Variants in RBFOX1 observed in about 807,000 individuals in gnomAD.
RBFOX1 encodes the protein RNA binding protein fox-1 homolog 1.
A neutral mutation model predicts 57.7 loss-of-function variants in RBFOX1; 8 were observed. The ratio of observed to expected loss-of-function variants is 0.14; its 90% CI spans 0.08 to 0.25. RBFOX1 has a LOEUF of 0.25. RBFOX1 is among the 10% of genes least tolerant of loss of function. The probability of loss-of-function intolerance (pLI) is 1.00; values close to 1 mark genes in which losing one functional copy is unlikely to be tolerated. For missense variants in RBFOX1, 611 were observed against 548.5 expected (o/e 1.11, Z -1.14); for synonymous variants, 326 against 222.4 (o/e 1.47, Z -4.15).
chr16:5,688,166 AAAG>A (rs2050561404), intron 3 of RBFOX1, among the ~76,000 whole-genome samples: 1 of 152,320 alleles, frequency 6.6e-6, no homozygotes, highest in East Asian at 1.9e-4. Flanking sequence ...GTATGACAGA[AAAG>A]GAGCTTGGAA....
chr16:6,944,380 C>T lies in RBFOX1; in HGVS notation c.-15-107677C>T, dbSNP rs1185929021. 2.2e-5 allele frequency among the ~76,000 whole-genome samples: 3 copies of T among 135,902 alleles called. 1 individual carries two copies. The South Asian group carries it at 7.0e-4, about 32-fold the overall frequency. 89.2% of individuals were successfully genotyped at this position (135,902 alleles called of 152,430 possible). On this transcript the variant is annotated intron_variant, in intron 3 of 15. Transcript: ENST00000550418. ...GTTGTACTCCAGCCTGGCAACAGAG[C>T]AAGACTCCATCTCAGAGAAAAAAAA...
chr16:6,935,574 A>G (rs969866710), intron 3 of RBFOX1, among the ~76,000 whole-genome samples: 1 of 152,216 alleles, frequency 6.6e-6, no homozygotes. Context: ...TTATCCTTGA[A>G]TATTCAAAAA....
intron 2 of RBFOX1, among the ~76,000 whole-genome samples, chr16:6,506,551 C>A (rs553511498): frequency 6.6e-6 from 1 of 151,026 alleles, no homozygotes; most frequent in South Asian, 2.1e-4. Flanking sequence ...ATCTATGGAC[C>A]CACAGTGTAG....
At chr16:6,003,558 C>T (rs894302121) in intron 4 of RBFOX1, among the ~76,000 whole-genome samples, 11 of 151,718 alleles carry the variant, frequency 7.3e-5, no homozygotes, top group Admixed American at 3.3e-4. Context: ...TCCACCCCTG[C>T]GGTACCTTTG....
intron 4 of RBFOX1, among the ~76,000 whole-genome samples, chr16:5,874,234 C>G (rs567863860): frequency 6.6e-6 from 1 of 152,282 alleles, no homozygotes; most frequent in East Asian, 1.9e-4. Context: ...CACTGGAGCC[C>G]AGCTGTTCAA....
rs143695533 is a variant in RBFOX1, at chr16:6,893,894, C to A, written c.-15-158163C>A. On this transcript the variant is annotated intron_variant, in intron 3 of 15. Coordinates refer to ENST00000550418, the MANE Select transcript of RBFOX1 (RefSeq NM_018723.4). The stretch of plus-strand genomic sequence containing the variant: ...AGTTTAGGTTGTCTGATAGGGTCAG[C>A]TGTCACACATAGAGGGAGCAAGCTG... Among the ~76,000 whole-genome samples the A allele has an allele frequency of 1.1e-4, 16 of 152,252 alleles. No homozygotes were observed. In the East Asian group the frequency reaches 2.9e-3, roughly 28 times the overall value.
rs546339292 is a variant in RBFOX1, at chr16:7,622,210, C to T, written c.677-8393C>T. Among the ~76,000 whole-genome samples the T allele has an allele frequency of 5.3e-5, 8 of 151,942 alleles. No individual in the cohort carries two copies. In the East Asian group the frequency reaches 1.4e-3, roughly 26 times the overall value. On this transcript the variant is annotated intron_variant, in intron 10 of 15. Coordinates refer to ENST00000550418, the MANE Select transcript of RBFOX1 (RefSeq NM_018723.4). ...GGTATGACTTGCAGTTTCAGCATCA[C>T]GAGATCTGTGTCACCTCAGGCAAGG...
chr16:5,468,076 C>T (rs142560972), intron 2 of RBFOX1, among the ~76,000 whole-genome samples: 1 of 152,170 alleles, frequency 6.6e-6, no homozygotes, highest in East Asian at 1.9e-4. Context: ...TCTGTGCCCT[C>T]TTGTTCCTCC....
chr16:7,690,905 C>T (rs1209085317), intron 14 of RBFOX1, among the ~76,000 whole-genome samples: 1 of 152,116 alleles, frequency 6.6e-6, no homozygotes, highest in Non-Finnish European at 1.5e-5. Flanking sequence ...CAGAATTCTT[C>T]TGTTGTCCTG....
At chr16:7,656,831 G>A (rs999730927) in intron 12 of RBFOX1, among the ~76,000 whole-genome samples, 5 of 152,120 alleles carry the variant, frequency 3.3e-5, no homozygotes, top group Admixed American at 3.3e-4. Flanking sequence ...GAACACTAGG[G>A]AAAGGTCCTT....
intron 4 of RBFOX1, among the ~76,000 whole-genome samples, chr16:7,439,296 C>A (rs747023591): frequency 6.6e-6 from 1 of 151,756 alleles, no homozygotes; most frequent in Admixed American, 6.6e-5. Context: ...GTGATTTGAA[C>A]CTTCATGTCC....
intron 3 of RBFOX1, among the ~76,000 whole-genome samples, chr16:6,857,946 A>G (rs28581832): frequency 0.14 from 21,027 of 152,172 alleles, 1,793 homozygotes; most frequent in South Asian, 0.23. Context: ...TTAAGCATCA[A>G]GACAATACTG....
Position 5,625,269 on chromosome 16 carries a change from G to A in RBFOX1, c.318+26308G>A, listed in dbSNP as rs889802220. On this transcript the variant is annotated intron_variant, in intron 3 of 19. Transcript: ENST00000641259. ...AGCAGGACCTGGGCGTGGTAGGGGC[G>A]TAGGAAGCATTTGTTGAATGAATGA... Among the ~76,000 whole-genome samples, 67 of 152,188 alleles carry A rather than the reference G, an allele frequency of 4.4e-4. 1 individual carries two copies. Among genetic ancestry groups the A allele is most frequent in the African/African-American group, 1.2e-3 (51 of 41,518 alleles).
chr16:6,780,550 ATATTTACATATT>A (rs2080818127), intron 3 of RBFOX1, among the ~76,000 whole-genome samples: 1 of 126,984 alleles, frequency 7.9e-6, no homozygotes, highest in African/African-American at 3.2e-5. Context: ...ATTTACATAT[ATATTTACATATT>A]TATATATATT....
At chr16:6,387,587 C>T (rs578251156) in intron 2 of RBFOX1, among the ~76,000 whole-genome samples, 2 of 152,124 alleles carry the variant, frequency 1.3e-5, no homozygotes, top group African/African-American at 4.8e-5. Context: ...ATAAAACAGG[C>T]ACCAGCTCAA....
chr16:5,467,174 TTCTCTC>T lies in RBFOX1; in HGVS notation c.220-24_220-19del, dbSNP rs34212245. ...TGTTTCAATGTAGACTCAATGTTTC[TTCTCTC>T]TCTCTCTCTCTCTCTCTTTTTTTTT... On this transcript the variant is annotated intron_variant, in intron 1 of 2. Coordinates refer to the RBFOX1 transcript ENST00000585867. 6.9e-4 allele frequency: 876 copies of T among 1,264,668 alleles called. 1 individual carries two copies. In the African/African-American group the frequency reaches 0.01, roughly 15 times the overall value. The allele number at this position is 1,264,668 out of a possible 1,614,324, so 78.3% of individuals were successfully genotyped here. A position where few individuals can be genotyped will look rare whatever the true frequency, so the allele number is the denominator to read the frequency against.
At chr16:6,235,380 G>A (rs150328398) in intron 1 of RBFOX1, among the ~76,000 whole-genome samples, 3 of 152,216 alleles carry the variant, frequency 2.0e-5, no homozygotes, top group Non-Finnish European at 2.9e-5. Context: ...CCAGCTGTCT[G>A]TCTGTCTGTG....
At chr16:7,265,975 T>TG (rs1413179514) in intron 4 of RBFOX1, among the ~76,000 whole-genome samples, 9 of 137,334 alleles carry the variant, frequency 6.6e-5, no homozygotes, top group Admixed American at 6.5e-4. Context: ...TTTTTTTTTT[T>TG]TTTTTTTTTT....
Position 6,559,706 on chromosome 16 carries a change from C to G in RBFOX1, c.-63-94897C>G, listed in dbSNP as rs138167851. On this transcript the variant is annotated intron_variant, in intron 2 of 15. Coordinates refer to ENST00000550418, the MANE Select transcript of RBFOX1 (RefSeq NM_018723.4). ...GGTATATATCTGTGTATATATATCCCTCTATAATCTGTGTGTGTCTATATA... is the reference window on the plus strand; with the variant it reads ...GGTATATATCTGTGTATATATATCCGTCTATAATCTGTGTGTGTCTATATA... Among the ~76,000 whole-genome samples the G allele has an allele frequency of 1.9e-3, 287 of 152,122 alleles. 1 individual carries two copies. Among genetic ancestry groups the G allele is most frequent in the African/African-American group, 6.7e-3 (280 of 41,504 alleles).
Sources: gnomAD v4.1 joint callset for allele counts (sites outside exome capture counted in the v4.1 genomes callset) on GRCh38, gnomAD v4.1.1 for gene constraint, MANE v1.5 for transcripts, NCBI Gene and HGNC (gene_info 2026-07-23, HGNC 2026-07-21) for gene names.